HEATR4: variants seen among roughly 807,000 people sequenced by gnomAD.
HEATR4 encodes the protein HEAT repeat containing 4.
A neutral mutation model predicts 108.8 loss-of-function variants in HEATR4; 95 were observed. The ratio of observed to expected loss-of-function variants is 0.87; its 90% CI spans 0.74 to 1.04. The LOEUF is 1.04. Among genes scored for constraint, HEATR4 ranks in the 50% least tolerant of loss-of-function variants. The pLI is 0.00. For synonymous variants in HEATR4, 443 were observed against 459.4 expected (o/e 0.96, Z 0.46); for missense variants, 1,152 against 1,253.8 (o/e 0.92, Z 1.23).
intron 2 of HEATR4, among the ~76,000 whole-genome samples, chr14:73,526,330 C>T (rs1274328118): frequency 6.6e-6 from 1 of 152,206 alleles, no homozygotes; most frequent in Non-Finnish European, 1.5e-5. Context: ...CCAAAGTGGC[C>T]TGGGGCCCTG....
the HEATR4 span, among the ~76,000 whole-genome samples, chr14:73,631,253 G>A: frequency 1.3e-4 from 20 of 152,092 alleles, no homozygotes; most frequent in East Asian, 5.8e-4. Flanking sequence ...TTACACATGC[G>A]TTTTAATTAA....
the HEATR4 span, among the ~76,000 whole-genome samples, chr14:73,604,259 G>A: frequency 1.2e-4 from 16 of 138,624 alleles, no homozygotes; most frequent in African/African-American, 3.2e-4. Context: ...CCACTTTCTC[G>A]GTTCAAGCAA....
chr14:73,598,870 G>A, the HEATR4 span, among the ~76,000 whole-genome samples: 1 of 152,138 alleles, frequency 6.6e-6, no homozygotes, highest in Admixed American at 6.5e-5. Flanking sequence ...CAGGTGTGGT[G>A]TTGGGTGCCT....
chr14:73,511,985 C>T, intron 7 of HEATR4, 21 bp downstream of exon 7: 4 of 1,613,624 alleles, frequency 2.5e-6, no homozygotes, highest in South Asian at 1.1e-5. Flanking sequence ...TGTTCTCAAG[C>T]AGTTCAGCTT....
intron 17 of HEATR4, among the ~76,000 whole-genome samples, chr14:73,487,239 T>C (rs1465385558): frequency 2.1e-5 from 3 of 144,588 alleles, no homozygotes; most frequent in Admixed American, 1.4e-4. Flanking sequence ...AAAAATGAGA[T>C]GAATTAGGGA....
chr14:73,499,207 G>A (rs561786302), intron 12 of HEATR4, 67 bp from the exon 13 acceptor site: 1 of 1,362,994 alleles, frequency 7.3e-7, no homozygotes, highest in South Asian at 1.2e-5. Context: ...ACAGCTGGGT[G>A]CGGTGGTGCA....
intron 2 of HEATR4, among the ~76,000 whole-genome samples, chr14:73,528,212 T>C (rs1422324231): frequency 6.6e-6 from 1 of 151,840 alleles, no homozygotes; most frequent in Non-Finnish European, 1.5e-5. Context: ...CTGGCCAACA[T>C]GGCGAAGCCC....
At chr14:73,500,023 A>G (rs1465986392) in intron 12 of HEATR4, among the ~76,000 whole-genome samples, 2 of 152,234 alleles carry the variant, frequency 1.3e-5, no homozygotes, top group African/African-American at 4.8e-5. Context: ...AAGTCAGGAC[A>G]TCGAGACCAT....
At chr14:73,617,710 AT>A in the HEATR4 span, among the ~76,000 whole-genome samples, 1,624 of 152,234 alleles carry the variant, frequency 0.011, 37 homozygotes, top group African/African-American at 0.037. Context: ...ATAAAGAGAT[AT>A]TTTTTGAGAC....
chr14:73,556,149 T>G (rs1050097148), intron 1 of HEATR4, among the ~76,000 whole-genome samples: 3 of 109,338 alleles, frequency 2.7e-5, no homozygotes, highest in African/African-American at 8.8e-5. Context: ...GGAGGCTGGG[T>G]GCGGTGGCTC....
the HEATR4 span, among the ~76,000 whole-genome samples, chr14:73,590,604 C>G: frequency 6.6e-6 from 1 of 152,188 alleles, no homozygotes; most frequent in Non-Finnish European, 1.5e-5. Context: ...TGGCGGGCTG[C>G]AGGTCCCGAG....
the HEATR4 span, among the ~76,000 whole-genome samples, chr14:73,568,645 G>A: frequency 6.6e-6 from 1 of 152,078 alleles, no homozygotes; most frequent in Admixed American, 6.6e-5. Flanking sequence ...TTAGCCGGGC[G>A]CGGTGGCTCA....
chr14:73,609,967 AC>A, the HEATR4 span, among the ~76,000 whole-genome samples: 1 of 145,288 alleles, frequency 6.9e-6, no homozygotes, highest in African/African-American at 2.5e-5. Context: ...GAATTCCTCT[AC>A]CCTTTTTTTT....
chr14:73,592,258 T>A, the HEATR4 span: 6 of 1,613,278 alleles, frequency 3.7e-6, no homozygotes, highest in South Asian at 6.6e-5. Flanking sequence ...GACGTACAGA[T>A]TCCTTTTGTC....
chr14:73,586,702 G>GAAA, the HEATR4 span, among the ~76,000 whole-genome samples: 1 of 122,990 alleles, frequency 8.1e-6, no homozygotes, highest in Admixed American at 8.7e-5. Context: ...GACTCTGTCT[G>GAAA]AAAAAAAAAA....
intron 1 of HEATR4, chr14:73,537,776 C>G: frequency 8.1e-7 from 1 of 1,233,562 alleles, no homozygotes; most frequent in Non-Finnish European, 1.1e-6. Context: ...CCCCGGGCGG[C>G]TGCTGTGCCG....
chr14:73,497,143 G>A (rs947061534), intron 14 of HEATR4, among the ~76,000 whole-genome samples: 3 of 152,274 alleles, frequency 2.0e-5, no homozygotes, highest in East Asian at 3.9e-4. Context: ...TGATCCACCC[G>A]CCTTGGCCTC....
At chr14:73,479,105 A>G (rs1272698209) in intron 17 of HEATR4, among the ~76,000 whole-genome samples, 1 of 149,724 alleles carries the variant, frequency 6.7e-6, no homozygotes, top group East Asian at 1.9e-4. Context: ...CGCCCAGCTA[A>G]TTTTTTTGTT....
rs113610134 is a variant in HEATR4, at chr14:73,492,701, G to A, written c.2844+365C>T. The A allele has an allele frequency of 6.2e-7, 1 of 1,613,968 alleles. No homozygotes were observed. Among genetic ancestry groups the A allele is most frequent in the East Asian group, 2.2e-5 (1 of 44,882 alleles). ...TGGGATAGCTCGGCTGGTGGGTGAG[G>A]GGGGCCATTTGTTTCTCTATTACAC... On this transcript the variant is annotated intron_variant, in intron 17 of 17. Coordinates refer to ENST00000553558, the MANE Select transcript of HEATR4 (RefSeq NM_001220484.1). The surrounding 1 kb of genome is among the most constrained non-coding windows in gnomAD (Gnocchi z 4.9).
Sources: gnomAD v4.1 joint callset for allele counts (sites outside exome capture counted in the v4.1 genomes callset) on GRCh38, gnomAD v4.1.1 for gene constraint, Gnocchi (gnomAD v3.1) non-coding constraint, MANE v1.5 for transcripts, NCBI Gene and HGNC (gene_info 2026-07-23, HGNC 2026-07-21) for gene names.